CTNNA3: variants seen among roughly 807,000 people sequenced by gnomAD.
The protein encoded by CTNNA3 is catenin alpha 3.
A neutral mutation model predicts 95.7 loss-of-function variants in CTNNA3; 76 were observed. That is an observed-to-expected ratio of 0.79 (90% CI 0.66 to 0.96). The LOEUF (loss-of-function observed/expected upper bound fraction) is 0.96. CTNNA3 is among the 40% of genes least tolerant of loss of function. The probability of loss-of-function intolerance (pLI) is 0.00; values close to 1 mark genes in which losing one functional copy is unlikely to be tolerated. For missense variants in CTNNA3, 1,191 were observed against 1,089.8 expected (o/e 1.09, Z -1.31); for synonymous variants, 431 against 374.4 (o/e 1.15, Z -1.74).
intron 6 of CTNNA3, among the ~76,000 whole-genome samples, chr10:67,188,241 A>C (rs2132165295): frequency 6.6e-6 from 1 of 152,354 alleles, no homozygotes; most frequent in Middle Eastern, 3.4e-3. Context: ...CACGCCTGTA[A>C]TCCCAGCACT....
chr10:67,736,379 A>G (rs1309898343), intron 1 of CTNNA3, among the ~76,000 whole-genome samples: 1 of 151,912 alleles, frequency 6.6e-6, no homozygotes, highest in African/African-American at 2.4e-5. Context: ...TTGTAAATGT[A>G]TTTAATGTTC....
At chr10:66,907,059 T>C (rs974685308) in intron 7 of CTNNA3, among the ~76,000 whole-genome samples, 1 of 152,186 alleles carries the variant, frequency 6.6e-6, no homozygotes, top group African/African-American at 2.4e-5. Context: ...TCAGGCTGCA[T>C]TGAATTTATA....
chr10:66,915,752 A>C (rs922626163), intron 7 of CTNNA3, among the ~76,000 whole-genome samples: 2 of 137,280 alleles, frequency 1.5e-5, no homozygotes, highest in African/African-American at 2.7e-5. Context: ...ACATATATAC[A>C]TTTTTTTTTT....
intron 13 of CTNNA3, among the ~76,000 whole-genome samples, chr10:66,204,623 C>T (rs1416265384): frequency 6.6e-6 from 1 of 152,130 alleles, no homozygotes; most frequent in Non-Finnish European, 1.5e-5. Context: ...ACGAGTATCC[C>T]TGTGCTCTTA....
intron 6 of CTNNA3, among the ~76,000 whole-genome samples, chr10:67,183,440 C>CA (rs1408817046): frequency 1.3e-5 from 2 of 150,048 alleles, no homozygotes; most frequent in African/African-American, 2.5e-5. Context: ...ATCGCAAGGA[C>CA]AAAAAACCAA....
At chr10:66,774,284 C>A (rs991197356) in intron 8 of CTNNA3, among the ~76,000 whole-genome samples, 1 of 152,016 alleles carries the variant, frequency 6.6e-6, no homozygotes, top group Non-Finnish European at 1.5e-5. Context: ...GATCATTCCA[C>A]GAAAGGGGAG....
At chr10:66,025,223 G>A (rs1233645679) in intron 15 of CTNNA3, among the ~76,000 whole-genome samples, 1 of 152,182 alleles carries the variant, frequency 6.6e-6, no homozygotes, top group African/African-American at 2.4e-5. Context: ...AGAGCATTGG[G>A]TTAATGAGGA....
At chr10:66,861,427 G>A (rs1234310248) in intron 7 of CTNNA3, among the ~76,000 whole-genome samples, 1 of 152,130 alleles carries the variant, frequency 6.6e-6, no homozygotes, top group East Asian at 1.9e-4. Context: ...CCGTATGAAT[G>A]AGCATGGGTG....
chr10:66,188,430 CTTG>C (rs2086451465), intron 13 of CTNNA3, among the ~76,000 whole-genome samples: 1 of 151,518 alleles, frequency 6.6e-6, no homozygotes, highest in African/African-American at 2.4e-5. Flanking sequence ...TGTAGTCTTT[CTTG>C]TTTTTTTTTT....
At chr10:67,472,245 C>T (rs1589327042) in intron 5 of CTNNA3, among the ~76,000 whole-genome samples, 1 of 152,166 alleles carries the variant, frequency 6.6e-6, no homozygotes, top group African/African-American at 2.4e-5. Context: ...TATTTCATAT[C>T]TCTGCACTTC....
At chr10:66,536,075 G>A (rs552320739) in intron 10 of CTNNA3, among the ~76,000 whole-genome samples, 1 of 151,960 alleles carries the variant, frequency 6.6e-6, no homozygotes, top group Non-Finnish European at 1.5e-5. Context: ...CATTGACATA[G>A]AGAGCTATAG....
intron 11 of CTNNA3, among the ~76,000 whole-genome samples, chr10:66,398,896 C>T (rs2092999735): frequency 6.6e-6 from 1 of 151,982 alleles, no homozygotes; most frequent in African/African-American, 2.4e-5. Flanking sequence ...GCCTGGAAGG[C>T]CATTCCTTGC....
chr10:66,910,711 G>A (rs968187167), intron 7 of CTNNA3, among the ~76,000 whole-genome samples: 8 of 152,188 alleles, frequency 5.3e-5, no homozygotes, highest in Non-Finnish European at 1.2e-4. Flanking sequence ...GACAGGTGAC[G>A]TGGAGAAAAG....
chr10:66,198,415 G>C (rs186202018), intron 13 of CTNNA3, among the ~76,000 whole-genome samples: 2 of 152,214 alleles, frequency 1.3e-5, no homozygotes, highest in Admixed American at 1.3e-4. Flanking sequence ...TTAATTTGGT[G>C]AATTGGTGTA....
intron 5 of CTNNA3, among the ~76,000 whole-genome samples, chr10:67,364,174 T>C (rs1265928876): frequency 6.6e-6 from 1 of 152,112 alleles, no homozygotes; most frequent in Admixed American, 6.5e-5. Flanking sequence ...GTTCAACATA[T>C]GCAAATCAAT....
intron 7 of CTNNA3, among the ~76,000 whole-genome samples, chr10:67,002,452 A>C (rs1349735433): frequency 6.6e-6 from 1 of 152,210 alleles, no homozygotes; most frequent in Admixed American, 6.5e-5. Context: ...TACAAGGTTG[A>C]ATCTAAATCC....
chr10:66,927,230 T>G lies in CTNNA3; in HGVS notation c.1048-151706A>C. 6.2e-7 allele frequency: 1 copy of G among 1,614,146 alleles called. No individual in the cohort carries two copies. Among genetic ancestry groups the G allele is most frequent in the Non-Finnish European group, 8.5e-7 (1 of 1,180,038 alleles). ...ATCAGCAATATTGACGAAAATGCTTTTAATGGAATACGCAGACTCAAAGAG... is the reference window on the plus strand; with the variant it reads ...ATCAGCAATATTGACGAAAATGCTTGTAATGGAATACGCAGACTCAAAGAG... On this transcript the variant is annotated intron_variant, in intron 7 of 17. Coordinates refer to ENST00000433211, the MANE Select transcript of CTNNA3 (RefSeq NM_013266.4). The surrounding 1 kb of genome is among the most constrained non-coding windows in gnomAD (Gnocchi z 4.7).
Position 67,200,939 on chromosome 10 carries a change from T to C in CTNNA3, c.843+18668A>G, listed in dbSNP as rs1863615402. On this transcript the variant is annotated intron_variant, in intron 6 of 17. Transcript: ENST00000433211. ...TCAGTTTGATGTGTCTCAGTATGTG[T>C]TTCCTCCTGTTTTTTCATCAAAGGG... is the stretch of plus-strand genomic sequence containing the variant. 2.6e-5 allele frequency among the ~76,000 whole-genome samples: 4 copies of C among 152,180 alleles called. No individual in the cohort carries two copies. In the South Asian group the frequency reaches 8.3e-4, roughly 31 times the overall value.
intron 14 of CTNNA3, among the ~76,000 whole-genome samples, chr10:66,101,523 T>G (rs77871952): frequency 0.012 from 1,804 of 152,312 alleles, 36 homozygotes; most frequent in African/African-American, 0.041. Flanking sequence ...ACATGGAACT[T>G]TCCCAAATTT....
Sources: allele counts gnomAD v4.1 joint callset (sites outside exome capture counted in the v4.1 genomes callset), GRCh38; gene constraint gnomAD v4.1.1; non-coding constraint Gnocchi (gnomAD v3.1); transcripts MANE v1.5; gene names NCBI Gene and HGNC (gene_info 2026-07-23, HGNC 2026-07-21).